CDYL2: variants seen among roughly 807,000 people sequenced by gnomAD.
The protein encoded by CDYL2 is chromodomain Y like 2, also known as chromodomain Y-like protein 2.
A neutral mutation model predicts 49.4 loss-of-function variants in CDYL2; 23 were observed. That is an observed-to-expected ratio of 0.47 (90% confidence interval 0.34 to 0.66). The LOEUF (loss-of-function observed/expected upper bound fraction) is 0.66. Among genes scored for constraint, CDYL2 ranks in the 30% least tolerant of loss-of-function variants. The pLI, the probability that CDYL2 is intolerant of heterozygous loss-of-function variation, is 0.01. For synonymous variants in CDYL2, 360 were observed against 268.8 expected (o/e 1.34, Z -3.32); for missense variants, 678 against 656.4 (o/e 1.03, Z -0.36).
chr16:80,741,196 T>C (rs1031680108), intron 1 of CDYL2, among the ~76,000 whole-genome samples: 3 of 150,462 alleles, frequency 2.0e-5, no homozygotes, highest in Non-Finnish European at 4.4e-5. Flanking sequence ...AAGATGTGTG[T>C]ATAAGAATTT....
intron 1 of CDYL2, among the ~76,000 whole-genome samples, chr16:80,694,722 C>T (rs1910553283): frequency 6.6e-6 from 1 of 152,084 alleles, no homozygotes; most frequent in African/African-American, 2.4e-5. Context: ...GCACATCCAG[C>T]AACACAGATC....
intron 4 of CDYL2, among the ~76,000 whole-genome samples, chr16:80,615,249 G>C (rs116835895): frequency 3.3e-5 from 5 of 152,198 alleles, no homozygotes; most frequent in East Asian, 1.9e-4. Flanking sequence ...TGAGGTTTTC[G>C]GTTAGGTCAC....
intron 2 of CDYL2, chr16:80,639,849 G>C (rs1368429425): frequency 2.5e-6 from 1 of 397,744 alleles, no homozygotes; most frequent in Non-Finnish European, 5.0e-6. Flanking sequence ...ACTCACTGTT[G>C]TCCTGTTATA....
intron 2 of CDYL2, among the ~76,000 whole-genome samples, chr16:80,649,594 A>G (rs1874515109): frequency 6.6e-6 from 1 of 152,200 alleles, no homozygotes; most frequent in South Asian, 2.1e-4. Flanking sequence ...TACCAATAAT[A>G]TTCTTCACAG....
At chr16:80,694,064 T>A (rs1267572154) in intron 1 of CDYL2, among the ~76,000 whole-genome samples, 1 of 152,236 alleles carries the variant, frequency 6.6e-6, no homozygotes, top group African/African-American at 2.4e-5. Flanking sequence ...CAAGGACCAG[T>A]CTCATGGAAG....
chr16:80,692,280 T>G (rs1313717201), intron 1 of CDYL2, among the ~76,000 whole-genome samples: 1 of 152,144 alleles, frequency 6.6e-6, no homozygotes, highest in Non-Finnish European at 1.5e-5. Flanking sequence ...ATCTGCCTCA[T>G]CCCCCAGCCC....
chr16:80,785,156 A>G (rs1413868818), intron 1 of CDYL2, among the ~76,000 whole-genome samples: 1 of 152,196 alleles, frequency 6.6e-6, no homozygotes, highest in Non-Finnish European at 1.5e-5. Context: ...TCAAATAGGA[A>G]GAGGGGAAGT....
At chr16:80,707,647 G>A (rs548916677) in intron 1 of CDYL2, among the ~76,000 whole-genome samples, 1 of 152,218 alleles carries the variant, frequency 6.6e-6, no homozygotes, top group East Asian at 1.9e-4. Context: ...ATGCTTTGGT[G>A]GTGTCTTTCT....
At chr16:80,700,542 G>C (rs191471995) in intron 1 of CDYL2, among the ~76,000 whole-genome samples, 1 of 152,124 alleles carries the variant, frequency 6.6e-6, no homozygotes, top group Non-Finnish European at 1.5e-5. Flanking sequence ...AATAAAAATG[G>C]CTATCAACAT....
At chr16:80,740,539 G>A (rs145730732) in intron 1 of CDYL2, among the ~76,000 whole-genome samples, 2 of 151,978 alleles carry the variant, frequency 1.3e-5, no homozygotes, top group Admixed American at 1.3e-4. Flanking sequence ...CAATAAGGCA[G>A]GAAATAAAAA....
At chr16:80,642,508 C>T (rs1908144574) in intron 2 of CDYL2, among the ~76,000 whole-genome samples, 1 of 152,116 alleles carries the variant, frequency 6.6e-6, no homozygotes, top group Admixed American at 6.5e-5. Context: ...TTGTTATAAG[C>T]TTAAAATGAT....
chr16:80,795,695 A>C (rs1337435864), intron 1 of CDYL2, among the ~76,000 whole-genome samples: 1 of 152,160 alleles, frequency 6.6e-6, no homozygotes, highest in African/African-American at 2.4e-5. Flanking sequence ...CCTCTCCTCA[A>C]GGTCCAGCAC....
intron 1 of CDYL2, among the ~76,000 whole-genome samples, chr16:80,724,366 G>A (rs906776232): frequency 3.3e-5 from 5 of 152,266 alleles, no homozygotes; most frequent in African/African-American, 7.2e-5. Context: ...AGGACCTAGA[G>A]AAATTATTTC....
At chr16:80,611,452 A>C (rs371830294) in intron 5 of CDYL2, among the ~76,000 whole-genome samples, 9 of 152,162 alleles carry the variant, frequency 5.9e-5, no homozygotes, top group African/African-American at 2.2e-4. Context: ...CTGAGAGTCC[A>C]CAGGGGAGGA....
At chr16:80,728,525 A>G (rs1905234805) in intron 1 of CDYL2, among the ~76,000 whole-genome samples, 1 of 152,248 alleles carries the variant, frequency 6.6e-6, no homozygotes, top group African/African-American at 2.4e-5. Context: ...AACACTCTGC[A>G]GGATATCATC....
intron 6 of CDYL2, among the ~76,000 whole-genome samples, chr16:80,605,881 A>C (rs2142356551): frequency 6.6e-6 from 1 of 152,344 alleles, no homozygotes; most frequent in East Asian, 1.9e-4. Context: ...CATGTTACAG[A>C]TGCAGAACCC....
At chr16:80,742,330 G>C (rs1271072613) in intron 1 of CDYL2, 3 of 152,242 alleles carry the variant, frequency 2.0e-5, no homozygotes, top group African/African-American at 7.2e-5. Context: ...TTAATGGATG[G>C]ATGGGATGGA....
chr16:80,698,046 C>G (rs1454560626), intron 1 of CDYL2, among the ~76,000 whole-genome samples: 1 of 151,814 alleles, frequency 6.6e-6, no homozygotes, highest in Non-Finnish European at 1.5e-5. Context: ...AAAAAAAAAT[C>G]CTAAAATTCA....
At chr16:80,688,538 C>G (rs911636391) in intron 1 of CDYL2, among the ~76,000 whole-genome samples, 2 of 152,174 alleles carry the variant, frequency 1.3e-5, no homozygotes, top group African/African-American at 4.8e-5. Context: ...GTTTCACCCC[C>G]AATTTAAAAA....
Sources: gnomAD v4.1 joint callset for allele counts (sites outside exome capture counted in the v4.1 genomes callset) on GRCh38, gnomAD v4.1.1 for gene constraint, MANE v1.5 for transcripts, NCBI Gene and HGNC (gene_info 2026-07-23, HGNC 2026-07-21) for gene names.